The following RASA3 variants were observed in gnomAD, a reference collection of about 807,000 sequenced individuals.
RASA3 encodes the protein ras GTPase-activating protein 3.
A neutral mutation model predicts 110.0 loss-of-function variants in RASA3; 73 were observed. The observed-to-expected ratio is 0.66, with a 90% CI of 0.55 to 0.81. The LOEUF is 0.81. RASA3 is among the 30% of genes least tolerant of loss of function. The probability of loss-of-function intolerance (pLI) is 0.00; values close to 1 mark genes in which losing one functional copy is unlikely to be tolerated. For missense variants in RASA3, 976 were observed against 1,113.2 expected (o/e 0.88, Z 1.75); for synonymous variants, 500 against 451.4 (o/e 1.11, Z -1.37).
At chr13:114,070,991 T>G (rs2079562723) in intron 2 of RASA3, among the ~76,000 whole-genome samples, 2 of 148,542 alleles carry the variant, frequency 1.3e-5, no homozygotes, top group African/African-American at 5.0e-5. Context: ...GCGTCCACGC[T>G]AAACGGCGCC....
chr13:114,127,951 C>T (rs1252132768), intron 1 of RASA3, among the ~76,000 whole-genome samples: 1 of 152,198 alleles, frequency 6.6e-6, no homozygotes, highest in Non-Finnish European at 1.5e-5. Context: ...CCAGCCTCCA[C>T]ACCCACACAC....
intron 4 of RASA3, among the ~76,000 whole-genome samples, chr13:114,031,871 G>A (rs970995442): frequency 3.3e-5 from 5 of 152,184 alleles, no homozygotes; most frequent in African/African-American, 9.7e-5. Flanking sequence ...CTGGCGCTAA[G>A]ACGTGGACGG....
At chr13:114,020,231 C>T (rs184370112) in intron 9 of RASA3, among the ~76,000 whole-genome samples, 8 of 77,052 alleles carry the variant, frequency 1.0e-4, no homozygotes, top group African/African-American at 5.0e-4. Flanking sequence ...GCAGCCCTGT[C>T]AGGTGGGTGG....
chr13:114,125,491 C>G (rs150674495), intron 1 of RASA3, among the ~76,000 whole-genome samples: 2 of 152,160 alleles, frequency 1.3e-5, no homozygotes, highest in African/African-American at 4.8e-5. Context: ...CACTCACTAT[C>G]GTGAGAACAG....
chr13:113,983,869 G>T (rs1423781599), intron 22 of RASA3, among the ~76,000 whole-genome samples: 1 of 128,946 alleles, frequency 7.8e-6, no homozygotes, highest in Non-Finnish European at 1.8e-5. Context: ...ACCCTGAAGC[G>T]GGTAGGGCCA....
chr13:114,018,047 T>C, intron 11 of RASA3, 57 bp downstream of exon 11: 1 of 1,424,762 alleles, frequency 7.0e-7, no homozygotes. Context: ...GGCGACGACC[T>C]TGCCATCCCT....
At chr13:114,074,683 C>A (rs760758634) in intron 1 of RASA3, among the ~76,000 whole-genome samples, 27 of 152,236 alleles carry the variant, frequency 1.8e-4, no homozygotes, top group Admixed American at 5.2e-4. Context: ...GCTAGGTCCA[C>A]CTCTCCCTCC....
At chr13:114,075,680 C>A (rs2079661968) in intron 1 of RASA3, among the ~76,000 whole-genome samples, 1 of 59,400 alleles carries the variant, frequency 1.7e-5, no homozygotes, top group African/African-American at 1.3e-4. Context: ...GTCCGCACCG[C>A]GTATCTCTGC....
In RASA3 at chr13:114,027,910, C is replaced by A; in HGVS notation, c.467G>T (p.Gly156Val). The A allele has an allele frequency of 1.9e-6, 3 of 1,613,710 alleles. No individual in the cohort carries two copies. The highest frequency in any genetic ancestry group is 2.5e-6 in the Non-Finnish European group (3 of 1,179,840). Residue 156 changes from glycine to valine, a missense_variant, in exon 6 of 24, where the codon GGC (glycine) becomes GTC (valine). By Grantham distance (109) the Gly-to-Val change is moderately radical (BLOSUM62 -3). Transcript: ENST00000334062. ...ACATTGCCCATTCACGATGGGGAGG[C>A]CCTGGCACTCGACGATGCTGAGGAG... The part of the protein sequence containing the change: ...KLATRIVECQ[G>V]LPIVNGQCDP...
chr13:114,057,943 G>C lies in RASA3; in HGVS notation c.174-5788C>G, dbSNP rs963775339. On this transcript the variant is annotated intron_variant, in intron 2 of 23. Transcript: ENST00000334062. This position sits in a 1 kb window ranked among gnomAD's most constrained non-coding sequence, Gnocchi z 5.0. ...CAGGTGTTTCCAATGTGCTGAAGAG[G>C]GCAGGGCCTGGCTGAGGCCCTGGGA... 2.6e-5 allele frequency among the ~76,000 whole-genome samples: 4 copies of C among 152,178 alleles called. No homozygotes were observed. The highest frequency in any genetic ancestry group is 9.7e-5 in the African/African-American group (4 of 41,444).
In RASA3 at chr13:113,978,098, C is replaced by T. The variant is rs971414340; in HGVS notation, c.*1249G>A. ...CTTCCCACACACCTGCCGTCTGCAT[C>T]CCGGGAGGACGCCCTTTGGGAAAGG... On this transcript the variant is annotated 3_prime_UTR_variant, in exon 24 of 24. Transcript: ENST00000334062. The T allele has an allele frequency of 6.6e-6, 1 of 152,172 alleles. No homozygotes were observed. Among genetic ancestry groups the T allele is most frequent in the African/African-American group, 2.4e-5 (1 of 41,452 alleles). The allele number at this position is 152,172 out of a possible 1,614,324, so 9.4% of individuals were successfully genotyped here.
At chr13:114,013,884 GTC>G (rs68138759) in intron 14 of RASA3, among the ~76,000 whole-genome samples, 9 of 101,562 alleles carry the variant, frequency 8.9e-5, no homozygotes, top group East Asian at 2.9e-4. Flanking sequence ...CCCTATCTCT[GTC>G]TCTCTCTTTT....
chr13:114,007,734 G>T, intron 17 of RASA3, 128 bp from the exon 18 acceptor site: 3 of 775,196 alleles, frequency 3.9e-6, no homozygotes, highest in Non-Finnish European at 6.6e-6. Context: ...ATCTGGGCAA[G>T]TGAGTCCTTC....
intron 8 of RASA3, among the ~76,000 whole-genome samples, chr13:114,023,717 T>C (rs979845746): frequency 6.6e-5 from 10 of 152,096 alleles, no homozygotes; most frequent in African/African-American, 2.2e-4. Context: ...GTGGGAGGCG[T>C]TGAGGAGCCA....
chr13:114,010,691 GGGGGCTGC>G, intron 16 of RASA3, among the ~76,000 whole-genome samples: 1 of 58,082 alleles, frequency 1.7e-5, no homozygotes, highest in Non-Finnish European at 3.4e-5. Flanking sequence ...GTGGGGAGGA[GGGGGCTGC>G]ATGGGGAGGT....
rs185383230 is a variant in RASA3 at position 114,106,091 on chromosome 13, G to A, written c.55+26344C>T. 2.2e-4 allele frequency among the ~76,000 whole-genome samples: 33 copies of A among 152,302 alleles called. No homozygotes were observed. In the East Asian group the frequency reaches 6.0e-3, roughly 28 times the overall value. On this transcript the variant is annotated intron_variant, in intron 1 of 23. Coordinates refer to ENST00000334062, the MANE Select transcript of RASA3 (RefSeq NM_007368.4). Reference sequence around the variant, plus strand: ...GGGTGCACATCGCAGAGCGGCACACGGCAGCCTCCGGATGGGCGCATGGCA... The same window carrying A: ...GGGTGCACATCGCAGAGCGGCACACAGCAGCCTCCGGATGGGCGCATGGCA...
chr13:114,017,175 C>G, intron 12 of RASA3, 62 bp downstream of exon 12: 1 of 1,469,174 alleles, frequency 6.8e-7, no homozygotes, highest in Non-Finnish European at 9.5e-7. Flanking sequence ...GTGCAGTGCC[C>G]TCTGTTGGGG....
chr13:114,089,291 CGGGGAGGAGGG>C (rs1355325891), intron 1 of RASA3, among the ~76,000 whole-genome samples: 24 of 25,598 alleles, frequency 9.4e-4, no homozygotes, highest in African/African-American at 2.7e-3. Context: ...GGGAGACGAG[CGGGGAGGAGGG>C]GGGGAGGAGG....
intron 18 of RASA3, among the ~76,000 whole-genome samples, chr13:114,001,846 C>T (rs560773365): frequency 7.8e-4 from 119 of 152,386 alleles, no homozygotes; most frequent in Non-Finnish European, 1.4e-3. Context: ...CACGCACCAG[C>T]GCCTCTGCCA....
Sources: gnomAD v4.1 joint callset for allele counts (sites outside exome capture counted in the v4.1 genomes callset) on GRCh38, gnomAD v4.1.1 for gene constraint, Gnocchi (gnomAD v3.1) non-coding constraint, MANE v1.5 for transcripts, NCBI Gene and HGNC (gene_info 2026-07-23, HGNC 2026-07-21) for gene names.